SCFD2: variants seen among roughly 807,000 people sequenced by gnomAD.
SCFD2 encodes sec1 family domain containing 2, also known as sec1 family domain-containing protein 2.
A neutral mutation model predicts 58.9 loss-of-function variants in SCFD2; 54 were observed. The ratio of observed to expected loss-of-function variants is 0.92; its 90% confidence interval spans 0.74 to 1.15. The LOEUF is 1.15. SCFD2 is among the 50% of genes most tolerant of loss of function. The pLI is 0.00. For synonymous variants in SCFD2, 321 were observed against 335.9 expected (o/e 0.96, Z 0.49); for missense variants, 805 against 836.6 (o/e 0.96, Z 0.47).
intron 5 of SCFD2, among the ~76,000 whole-genome samples, chr4:53,068,206 G>A (rs1252405194): frequency 6.6e-6 from 1 of 152,068 alleles, no homozygotes; most frequent in Non-Finnish European, 1.5e-5. Flanking sequence ...GAAATATTAA[G>A]AAGAAAGCAC....
intron 2 of SCFD2, among the ~76,000 whole-genome samples, chr4:53,339,315 ATGT>A (rs1733786521): frequency 6.6e-6 from 1 of 151,082 alleles, no homozygotes; most frequent in Admixed American, 6.6e-5. Flanking sequence ...AAGTTATTAC[ATGT>A]TATTACATAT....
At chr4:52,959,897 A>AACACACACACACACAC (rs10529140) in intron 5 of SCFD2, among the ~76,000 whole-genome samples, 3,182 of 138,130 alleles carry the variant, frequency 0.023, 123 homozygotes, top group African/African-American at 0.082. Flanking sequence ...TCCAAATTGA[A>AACACACACACACACAC]ACACACACAC....
At chr4:53,100,930 A>G (rs1370352933) in intron 5 of SCFD2, among the ~76,000 whole-genome samples, 1 of 152,254 alleles carries the variant, frequency 6.6e-6, no homozygotes, top group South Asian at 2.1e-4. Flanking sequence ...ACGACCCCCA[A>G]ATGATGTTTT....
rs1248707530 is a variant in SCFD2 at position 53,330,712 on chromosome 4, A to G, written c.1008-16949T>C. Among the ~76,000 whole-genome samples, 4 of 152,128 alleles carry G rather than the reference A, an allele frequency of 2.6e-5. No homozygotes were observed. The East Asian group carries it at 7.7e-4, about 29-fold the overall frequency. ...CTAACGAGCAAAATCACCAGCTAAC[A>G]TCATAATGACAGGATCAAATTCACA... On this transcript the variant is annotated intron_variant, in intron 2 of 8. Coordinates refer to ENST00000401642, the MANE Select transcript of SCFD2 (RefSeq NM_152540.4).
At chr4:53,153,234 C>G (rs1726565883) in intron 4 of SCFD2, among the ~76,000 whole-genome samples, 1 of 152,210 alleles carries the variant, frequency 6.6e-6, no homozygotes, top group African/African-American at 2.4e-5. Context: ...GGGGCTCCAC[C>G]TCTTCAACAG....
chr4:53,072,807 T>TAACTCCCTAGTAAA (rs1364965147), intron 5 of SCFD2, among the ~76,000 whole-genome samples: 1 of 100,030 alleles, frequency 1.0e-5, no homozygotes, highest in Non-Finnish European at 2.7e-5. Flanking sequence ...TCTCTTTCTT[T>TAACTCCCTAGTAAA]CACCTAGTAA....
chr4:52,979,394 G>A (rs1376775519), intron 5 of SCFD2, among the ~76,000 whole-genome samples: 3 of 152,122 alleles, frequency 2.0e-5, no homozygotes, highest in South Asian at 2.1e-4. Flanking sequence ...GCCCTGTGAT[G>A]AGTATTTCAA....
At chr4:53,005,209 A>G (rs561710040) in intron 5 of SCFD2, among the ~76,000 whole-genome samples, 1 of 152,012 alleles carries the variant, frequency 6.6e-6, no homozygotes, top group Admixed American at 6.6e-5. Context: ...CAGGATTTCT[A>G]CTCTTAACTT....
chr4:53,256,879 G>C (rs1577905911), intron 4 of SCFD2, among the ~76,000 whole-genome samples: 1 of 140,442 alleles, frequency 7.1e-6, no homozygotes, highest in African/African-American at 2.7e-5. Flanking sequence ...GGGAGACCGT[G>C]GGGAGAGGGA....
chr4:53,115,493 G>A (rs1725294902), intron 5 of SCFD2, among the ~76,000 whole-genome samples: 1 of 152,146 alleles, frequency 6.6e-6, no homozygotes, highest in Admixed American at 6.5e-5. Context: ...GAATGTCAGT[G>A]AGAGGTAGAC....
chr4:53,164,334 C>G (rs1726940129), intron 4 of SCFD2, among the ~76,000 whole-genome samples: 1 of 152,110 alleles, frequency 6.6e-6, no homozygotes, highest in African/African-American at 2.4e-5. Context: ...CCCTACACAG[C>G]CAACTCCTTC....
At chr4:53,010,999 T>C (rs1221133929) in intron 5 of SCFD2, among the ~76,000 whole-genome samples, 1 of 152,204 alleles carries the variant, frequency 6.6e-6, no homozygotes, top group African/African-American at 2.4e-5. Flanking sequence ...CATTTGTTTC[T>C]ATAGCGTACC....
At chr4:52,888,605 G>A (rs1209073144) in intron 7 of SCFD2, among the ~76,000 whole-genome samples, 1 of 152,110 alleles carries the variant, frequency 6.6e-6, no homozygotes, top group Non-Finnish European at 1.5e-5. Context: ...ACATTTCTAT[G>A]GCATGTCACA....
intron 4 of SCFD2, among the ~76,000 whole-genome samples, chr4:53,230,654 G>T (rs1326775802): frequency 2.0e-5 from 3 of 151,192 alleles, no homozygotes; most frequent in Non-Finnish European, 2.9e-5. Flanking sequence ...ATAGCATCAG[G>T]AGCTATACCT....
intron 5 of SCFD2, among the ~76,000 whole-genome samples, chr4:53,042,212 T>C (rs977699572): frequency 6.6e-6 from 1 of 152,188 alleles, no homozygotes; most frequent in Non-Finnish European, 1.5e-5. Flanking sequence ...GTGGATTTGC[T>C]ATCTATTCCT....
intron 3 of SCFD2, among the ~76,000 whole-genome samples, chr4:53,297,638 C>T (rs1295152188): frequency 6.6e-6 from 1 of 152,134 alleles, no homozygotes; most frequent in Non-Finnish European, 1.5e-5. Context: ...TTAATTGGGG[C>T]ATTTAGCCCA....
intron 3 of SCFD2, among the ~76,000 whole-genome samples, chr4:53,297,009 G>C (rs2149092693): frequency 6.6e-6 from 1 of 152,224 alleles, no homozygotes; most frequent in Non-Finnish European, 1.5e-5. Context: ...GAGAATGTTT[G>C]TTATGATTTC....
At chr4:53,218,415 T>C (rs970965171) in intron 4 of SCFD2, among the ~76,000 whole-genome samples, 5 of 152,228 alleles carry the variant, frequency 3.3e-5, no homozygotes, top group African/African-American at 1.2e-4. Context: ...CTGATACCCT[T>C]TCTTCCAGTT....
At chr4:53,107,299 T>C (rs553085894) in intron 5 of SCFD2, among the ~76,000 whole-genome samples, 2 of 152,300 alleles carry the variant, frequency 1.3e-5, no homozygotes, top group Admixed American at 6.5e-5. Flanking sequence ...CCATTGACAC[T>C]ATGAAGAAAC....
Sources: gnomAD v4.1 joint callset for allele counts (sites outside exome capture counted in the v4.1 genomes callset) on GRCh38, gnomAD v4.1.1 for gene constraint, MANE v1.5 for transcripts, NCBI Gene and HGNC (gene_info 2026-07-23, HGNC 2026-07-21) for gene names.